SCRG1: variants seen among roughly 807,000 people sequenced by gnomAD.
The protein encoded by SCRG1 is scrapie-responsive protein 1.
In SCRG1, 3 loss-of-function variants were observed where a neutral mutation model predicts 7.7. The observed-to-expected ratio is 0.39, with a 90% CI of 0.18 to 1.01. SCRG1 has a LOEUF of 1.01. SCRG1 is among the 50% of genes least tolerant of loss of function. The probability of loss-of-function intolerance (pLI) is 0.36; values close to 1 mark genes in which losing one functional copy is unlikely to be tolerated. For missense variants in SCRG1, 110 were observed against 117.2 expected (o/e 0.94, Z 0.28); for synonymous variants, 46 against 41.2 (o/e 1.12, Z -0.44).
At chr4:173,516,805 C>T in the SCRG1 span, among the ~76,000 whole-genome samples, 1 of 152,348 alleles carries the variant, frequency 6.6e-6, no homozygotes, top group African/African-American at 2.4e-5. Flanking sequence ...GTTCCGACTC[C>T]ACCGCGGCGC....
the SCRG1 span, among the ~76,000 whole-genome samples, chr4:173,490,634 TTA>T: frequency 1.3e-5 from 2 of 152,248 alleles, no homozygotes; most frequent in African/African-American, 4.8e-5. Flanking sequence ...GCTTAAACTT[TTA>T]TTTCAATGCC....
At chr4:173,444,130 C>T in the SCRG1 span, among the ~76,000 whole-genome samples, 6 of 152,010 alleles carry the variant, frequency 3.9e-5, no homozygotes, top group Admixed American at 2.0e-4. Context: ...CCCGCCACCA[C>T]GCCTGGCTAA....
the SCRG1 span, among the ~76,000 whole-genome samples, chr4:173,436,690 A>G: frequency 6.6e-6 from 1 of 152,178 alleles, no homozygotes. Context: ...GGTAAATTGG[A>G]AGCCATGTCA....
the SCRG1 span, among the ~76,000 whole-genome samples, chr4:173,416,043 T>C: frequency 2.0e-5 from 3 of 152,216 alleles, no homozygotes; most frequent in Admixed American, 2.0e-4. Flanking sequence ...TTTGAGTACC[T>C]GGGAGGGCAG....
the SCRG1 span, among the ~76,000 whole-genome samples, chr4:173,485,420 A>G: frequency 6.6e-6 from 1 of 150,786 alleles, no homozygotes; most frequent in African/African-American, 2.4e-5. Context: ...GACTGAGGCT[A>G]TCTGGGCCAT....
chr4:173,503,801 C>A, the SCRG1 span, among the ~76,000 whole-genome samples: 1 of 152,166 alleles, frequency 6.6e-6, no homozygotes. The surrounding 1 kb of genome is among the most constrained non-coding windows in gnomAD (Gnocchi z 6.4). Context: ...CGCGATGTCC[C>A]TAATTCTATG....
chr4:173,484,142 G>C, the SCRG1 span, among the ~76,000 whole-genome samples: 385 of 87,664 alleles, frequency 4.4e-3, 6 homozygotes, highest in Admixed American at 7.3e-3. Context: ...ATATAATATA[G>C]AATATAGAAT....
At chr4:173,430,508 G>A in the SCRG1 span, among the ~76,000 whole-genome samples, 1 of 152,110 alleles carries the variant, frequency 6.6e-6, no homozygotes, top group Non-Finnish European at 1.5e-5. Flanking sequence ...TACAGGAAAG[G>A]CAGGGCATGC....
chr4:173,420,963 A>G, the SCRG1 span, among the ~76,000 whole-genome samples: 4 of 152,278 alleles, frequency 2.6e-5, no homozygotes, highest in East Asian at 7.7e-4. Flanking sequence ...TAATACCAGG[A>G]CACTTGACTG....
the SCRG1 span, among the ~76,000 whole-genome samples, chr4:173,509,574 A>G: frequency 6.6e-6 from 1 of 152,046 alleles, no homozygotes; most frequent in South Asian, 2.1e-4. The surrounding 1 kb of genome is among the most constrained non-coding windows in gnomAD (Gnocchi z 5.7). Flanking sequence ...TGCCGGGCAA[A>G]AACCTCATTT....
chr4:173,432,270 C>T, the SCRG1 span, among the ~76,000 whole-genome samples: 1 of 147,200 alleles, frequency 6.8e-6, no homozygotes, highest in Non-Finnish European at 1.5e-5. Flanking sequence ...TTCCTTATTC[C>T]CTTTCTTTCT....
intron 1 of SCRG1, among the ~76,000 whole-genome samples, chr4:173,394,197 TC>T (rs1424833280): frequency 1.3e-5 from 2 of 152,180 alleles, no homozygotes; most frequent in Non-Finnish European, 1.5e-5. Flanking sequence ...TTGGTGCTTT[TC>T]CCCCCTGCCT....
At chr4:173,431,006 T>A in the SCRG1 span, among the ~76,000 whole-genome samples, 1 of 152,096 alleles carries the variant, frequency 6.6e-6, no homozygotes, top group African/African-American at 2.4e-5. Context: ...CTTCCTAAAC[T>A]ACCTAGTGGG....
chr4:173,389,675 G>A (rs1739367664), intron 2 of SCRG1: 1 of 181,820 alleles, frequency 5.5e-6, no homozygotes, highest in South Asian at 1.0e-4. Flanking sequence ...TGATGCTGAA[G>A]CTGCTGTTCT....
chr4:173,443,943 T>TTGTGTG, the SCRG1 span, among the ~76,000 whole-genome samples: 14,418 of 138,552 alleles, frequency 0.1, 683 homozygotes, highest in Middle Eastern at 0.18. Context: ...AGAGCTTGTT[T>TTGTGTG]TGTGTGTGTG....
At chr4:173,475,768 G>GT in the SCRG1 span, among the ~76,000 whole-genome samples, 2 of 152,186 alleles carry the variant, frequency 1.3e-5, no homozygotes, top group Admixed American at 6.5e-5. Flanking sequence ...GACTTAAATA[G>GT]GAAGGAAATC....
At chr4:173,483,314 C>A in the SCRG1 span, among the ~76,000 whole-genome samples, 1 of 13,722 alleles carries the variant, frequency 7.3e-5, no homozygotes, top group African/African-American at 1.7e-4. Context: ...TTATATATTA[C>A]ATATCATATA....
chr4:173,446,464 T>C, the SCRG1 span: 1 of 152,192 alleles, frequency 6.6e-6, no homozygotes, highest in African/African-American at 2.4e-5. Context: ...TTATTACTAT[T>C]ATTAAATCTC....
the SCRG1 span, among the ~76,000 whole-genome samples, chr4:173,493,104 C>G: frequency 6.6e-6 from 1 of 152,140 alleles, no homozygotes; most frequent in East Asian, 1.9e-4. Context: ...GTTTGAGTCA[C>G]TGTTATTACG....
Sources: allele counts gnomAD v4.1 joint callset (sites outside exome capture counted in the v4.1 genomes callset), GRCh38; gene constraint gnomAD v4.1.1; non-coding constraint Gnocchi (gnomAD v3.1); transcripts MANE v1.5; gene names NCBI Gene and HGNC (gene_info 2026-07-23, HGNC 2026-07-21).